The following TBC1D32 variants were observed in gnomAD, a reference collection of about 807,000 sequenced individuals.
The protein encoded by TBC1D32 is protein broad-minded.
A neutral mutation model predicts 170.3 loss-of-function variants in TBC1D32; 151 were observed. That is an observed-to-expected ratio of 0.89 (90% confidence interval 0.78 to 1.01). The LOEUF is 1.01. Ranked by LOEUF, TBC1D32 falls within the 50% of genes least tolerant of loss-of-function variation. The pLI is 0.00. For missense variants in TBC1D32, 1,464 were observed against 1,457.1 expected (o/e 1.00, Z -0.08); for synonymous variants, 498 against 488.0 (o/e 1.02, Z -0.27).
At chr6:121,175,062 A>G (rs1312307384) in intron 22 of TBC1D32, among the ~76,000 whole-genome samples, 1 of 151,652 alleles carries the variant, frequency 6.6e-6, no homozygotes, top group Non-Finnish European at 1.5e-5. Context: ...CTGGTGAACT[A>G]ATTATGATGT....
intron 25 of TBC1D32, among the ~76,000 whole-genome samples, chr6:121,129,488 T>G: frequency 6.6e-6 from 1 of 152,152 alleles, no homozygotes; most frequent in East Asian, 1.9e-4. Context: ...GAGTGAAATG[T>G]CCAATGAAAT....
At chr6:121,302,072 T>G (rs1806573314) in intron 9 of TBC1D32, among the ~76,000 whole-genome samples, 1 of 152,170 alleles carries the variant, frequency 6.6e-6, no homozygotes, top group African/African-American at 2.4e-5. Flanking sequence ...ATAAGAGAAG[T>G]TGATATAGTA....
intron 29 of TBC1D32, among the ~76,000 whole-genome samples, chr6:121,110,103 T>C (rs1779059129): frequency 6.6e-6 from 1 of 151,590 alleles, no homozygotes; most frequent in Non-Finnish European, 1.5e-5. Context: ...TACAAAACAT[T>C]ATCTGGGCGT....
At chr6:121,293,632 C>T (rs1397603701) in intron 11 of TBC1D32, among the ~76,000 whole-genome samples, 1 of 152,150 alleles carries the variant, frequency 6.6e-6, no homozygotes, top group Non-Finnish European at 1.5e-5. Context: ...ACAGTTTCTG[C>T]AGGGCGCGGT....
chr6:121,309,609 A>C (rs1583687461), intron 4 of TBC1D32, among the ~76,000 whole-genome samples: 1 of 152,184 alleles, frequency 6.6e-6, no homozygotes, highest in East Asian at 1.9e-4. Context: ...TTAAAAAAAA[A>C]ATCTTCAAAA....
intron 21 of TBC1D32, among the ~76,000 whole-genome samples, chr6:121,213,529 A>AAAATAAAAT (rs1793414876): frequency 2.7e-5 from 3 of 110,152 alleles, no homozygotes; most frequent in African/African-American, 1.4e-4. Context: ...TAAAATAAAT[A>AAAATAAAAT]AAATAAAATA....
rs1157561661 is a variant in TBC1D32 at position 121,317,547 on chromosome 6, C to T, written c.443G>A (p.Ser148Asn). The T allele has an allele frequency of 1.2e-6, 2 of 1,612,752 alleles. No homozygotes were observed. The highest frequency in any genetic ancestry group is 1.7e-5 in the Admixed American group (1 of 59,878). ...ERQKKIQKEK[S>N]HSYRTDNCSD... The stretch of plus-strand genomic sequence containing the variant: ...GCAATTGTCTGTGCGGTAACTATGG[C>T]TTTTCTCCTTTTGGATTTTTTTCTG... Residue 148 changes from serine to asparagine, a missense_variant, in exon 3 of 32, where the codon AGC becomes AAC. By Grantham distance (46) the Ser-to-Asn change is conservative. Coordinates refer to ENST00000398212, the MANE Select transcript of TBC1D32 (RefSeq NM_152730.6).
intron 15 of TBC1D32, among the ~76,000 whole-genome samples, chr6:121,263,157 G>A (rs898743899): frequency 2.0e-4 from 31 of 151,484 alleles, no homozygotes; most frequent in African/African-American, 7.3e-4. Context: ...GAGTCAAGAC[G>A]AATCAGTGTG....
chr6:121,227,823 G>T (rs527887607), intron 20 of TBC1D32, among the ~76,000 whole-genome samples: 2 of 152,216 alleles, frequency 1.3e-5, no homozygotes, highest in Admixed American at 1.3e-4. Flanking sequence ...TCATAAATTA[G>T]AAATGGTTTC....
At chr6:121,145,702 G>A (rs142226397) in intron 24 of TBC1D32, among the ~76,000 whole-genome samples, 2,178 of 152,132 alleles carry the variant, frequency 0.014, 12 homozygotes, top group Middle Eastern at 0.027. Context: ...AAAACATGTT[G>A]TACATGATAA....
intron 30 of TBC1D32, among the ~76,000 whole-genome samples, chr6:121,104,375 CA>C (rs1778471166): frequency 6.6e-6 from 1 of 151,264 alleles, no homozygotes; most frequent in Admixed American, 6.6e-5. Flanking sequence ...CTTTAGAAAC[CA>C]AGACTGGAAG....
At chr6:121,144,298 G>A (rs111279708) in intron 24 of TBC1D32, among the ~76,000 whole-genome samples, 12 of 152,230 alleles carry the variant, frequency 7.9e-5, no homozygotes, top group Admixed American at 2.6e-4. Flanking sequence ...GAAGGATTTC[G>A]ATTAGAAGAG....
At position 121,160,995 on chromosome 6, in the gene TBC1D32, CA is replaced by C. The variant is rs755642569; in HGVS notation, c.2631del (p.Val878LeufsTer45). ...AAAATCCGTTCCAATGGCCCACCAA[CA>C]AGATTTATTCTAACAAGAACATGAT... ...ERNHVLVRIN[L>X]VGGPLERILP... On this transcript the variant is annotated frameshift_variant, in exon 23 of 32. Coordinates refer to ENST00000398212, the MANE Select transcript of TBC1D32 (RefSeq NM_152730.6). LOFTEE classifies it high-confidence loss of function. 4.3e-6 allele frequency: 7 copies of C among 1,613,744 alleles called. No individual in the cohort carries two copies. In the African/African-American group the frequency reaches 8.0e-5, roughly 18 times the overall value.
intron 17 of TBC1D32, among the ~76,000 whole-genome samples, chr6:121,250,435 T>C (rs1223171174): frequency 6.6e-6 from 1 of 151,972 alleles, no homozygotes; most frequent in African/African-American, 2.4e-5. Flanking sequence ...GTTCAACATA[T>C]GCAAATAAAT....
chr6:121,102,971 A>G (rs1778288195), intron 30 of TBC1D32, among the ~76,000 whole-genome samples: 1 of 152,200 alleles, frequency 6.6e-6, no homozygotes, highest in Non-Finnish European at 1.5e-5. Flanking sequence ...CAGCCAACAG[A>G]CACATGAAAA....
chr6:121,128,873 T>C (rs1383071390), intron 25 of TBC1D32, among the ~76,000 whole-genome samples: 1 of 152,108 alleles, frequency 6.6e-6, no homozygotes, highest in Non-Finnish European at 1.5e-5. Flanking sequence ...TCCAAACAGA[T>C]AGTACTCAGA....
At chr6:121,200,132 G>A (rs556352844) in intron 22 of TBC1D32, among the ~76,000 whole-genome samples, 2 of 151,214 alleles carry the variant, frequency 1.3e-5, no homozygotes, top group East Asian at 1.9e-4. Flanking sequence ...CAATAAATAG[G>A]CCACATTATA....
intron 21 of TBC1D32, among the ~76,000 whole-genome samples, chr6:121,209,804 T>C (rs1013599371): frequency 2.6e-5 from 4 of 152,154 alleles, no homozygotes; most frequent in African/African-American, 9.7e-5. Flanking sequence ...GTGGAGGGCA[T>C]AGGAGGACAG....
intron 24 of TBC1D32, among the ~76,000 whole-genome samples, chr6:121,156,249 T>C (rs1784870861): frequency 6.6e-6 from 1 of 152,004 alleles, no homozygotes; most frequent in Non-Finnish European, 1.5e-5. Context: ...TAGGATATCA[T>C]GTTTTCAGGA....
Sources: allele counts gnomAD v4.1 joint callset (sites outside exome capture counted in the v4.1 genomes callset), GRCh38; gene constraint gnomAD v4.1.1; transcripts MANE v1.5; gene names NCBI Gene and HGNC (gene_info 2026-07-23, HGNC 2026-07-21).